The following GXYLT2 variants were observed in gnomAD, a reference collection of about 807,000 sequenced individuals.
GXYLT2 encodes the protein glycosyltransferase 8 domain containing 4.
Under a neutral mutation model 45.8 loss-of-function variants are expected in GXYLT2, and 53 were observed. The ratio of observed to expected loss-of-function variants is 1.16; its 90% confidence interval spans 0.93 to 1.46. The LOEUF (loss-of-function observed/expected upper bound fraction) is 1.46. Ranked by LOEUF, GXYLT2 falls within the 40% of genes most tolerant of loss-of-function variation. The pLI is 0.00. For missense variants in GXYLT2, 551 were observed against 544.4 expected (o/e 1.01, Z -0.12); for synonymous variants, 219 against 214.2 (o/e 1.02, Z -0.19).
chr3:72,889,859 C>CACCATA (rs1709144333), intron 1 of GXYLT2, among the ~76,000 whole-genome samples: 1 of 126,034 alleles, frequency 7.9e-6, no homozygotes, highest in South Asian at 2.2e-4. Flanking sequence ...ACATAATCCA[C>CACCATA]ACCATAACCT....
At position 72,967,735 on chromosome 3, in the gene GXYLT2, C is replaced by G; in HGVS notation, c.1149+16C>G. ...AATACGGGATGTAAGTGTGCCCTTG[C>G]TGCTGTTAGCAGATGTGCTTATCAG... is the stretch of plus-strand genomic sequence containing the variant. On this transcript the variant is annotated intron_variant, in intron 6 of 6. Coordinates refer to ENST00000389617, the MANE Select transcript of GXYLT2 (RefSeq NM_001080393.2). 6.2e-7 allele frequency: 1 copy of G among 1,610,640 alleles called. No homozygotes were observed. The highest frequency in any genetic ancestry group is 8.5e-7 in the Non-Finnish European group (1 of 1,177,588).
chr3:72,892,364 T>A (rs1709200035), intron 1 of GXYLT2, among the ~76,000 whole-genome samples: 1 of 152,246 alleles, frequency 6.6e-6, no homozygotes, highest in African/African-American at 2.4e-5. Context: ...TGTGTTGGCC[T>A]GGATATTGTT....
chr3:72,961,021 A>G (rs894121027), intron 5 of GXYLT2, among the ~76,000 whole-genome samples: 2 of 152,180 alleles, frequency 1.3e-5, no homozygotes, highest in African/African-American at 4.8e-5. Context: ...GTCATTAGCT[A>G]GAAAGTGTTT....
chr3:72,888,593 C>A (rs1182616959), intron 1 of GXYLT2, 85 bp downstream of exon 1: 8 of 935,160 alleles, frequency 8.6e-6, no homozygotes, highest in Non-Finnish European at 9.1e-6. Context: ...AGGCTTTGCG[C>A]TGGAGAGACA....
At chr3:72,928,976 A>T in intron 3 of GXYLT2, 1 of 953,004 alleles carries the variant, frequency 1.0e-6, no homozygotes, top group Non-Finnish European at 1.6e-6. Flanking sequence ...CGCCCTCGGT[A>T]CCGCCCCAAG....
rs557874228 is a variant in GXYLT2 at position 72,961,949 on chromosome 3, T to C, written c.976+4597T>C. On this transcript the variant is annotated intron_variant, in intron 5 of 6. Coordinates refer to ENST00000389617, the MANE Select transcript of GXYLT2 (RefSeq NM_001080393.2). Reference sequence around the variant, plus strand: ...CTGAGGGAAGAGAGAAGAGCTGAAATGCCCATGGAGTACACGTAGATTGTG... The same window carrying C: ...CTGAGGGAAGAGAGAAGAGCTGAAACGCCCATGGAGTACACGTAGATTGTG... 2.0e-4 allele frequency among the ~76,000 whole-genome samples: 30 copies of C among 152,238 alleles called. 1 individual carries two copies. Among genetic ancestry groups the C allele is most frequent in the African/African-American group, 7.2e-4 (30 of 41,544 alleles).
chr3:72,916,729 G>A (rs955071899), intron 2 of GXYLT2, among the ~76,000 whole-genome samples: 1 of 150,458 alleles, frequency 6.6e-6, no homozygotes, highest in African/African-American at 2.4e-5. Context: ...TAGTAGAGAC[G>A]GGGGTTTCAC....
chr3:72,894,928 C>A (rs889349968), intron 1 of GXYLT2, among the ~76,000 whole-genome samples: 1 of 152,246 alleles, frequency 6.6e-6, no homozygotes, highest in Non-Finnish European at 1.5e-5. Context: ...CCCATTGCCA[C>A]TGGACTCTCT....
At chr3:72,907,987 T>G (rs1709542193) in intron 1 of GXYLT2, 1 of 167,248 alleles carries the variant, frequency 6.0e-6, no homozygotes, top group African/African-American at 2.4e-5. Flanking sequence ...CAAGTTGCAT[T>G]CAAATCTAAT....
rs139848641 is a variant in GXYLT2, at chr3:72,930,705, C to T, written c.600+8370C>T. On this transcript the variant is annotated intron_variant, in intron 3 of 6. Transcript: ENST00000389617. Reference sequence around the variant, plus strand: ...ACCTCCCAGGCTCAGGTGATCCTCCCACCTCAGCCTCTCAAGTAGCTGGGA... The same window carrying T: ...ACCTCCCAGGCTCAGGTGATCCTCCTACCTCAGCCTCTCAAGTAGCTGGGA... Among the ~76,000 whole-genome samples, 1,493 of 150,842 alleles carry T rather than the reference C, an allele frequency of 9.9e-3. 18 individuals carry two copies. The highest frequency in any genetic ancestry group is 0.034 in the African/African-American group (1,397 of 41,082).
At chr3:72,974,955 C>T in intron 6 of GXYLT2, 22 bp from the exon 7 acceptor site, 1 of 1,500,778 alleles carries the variant, frequency 6.7e-7, no homozygotes, top group African/African-American at 1.4e-5. Context: ...ACTAAATAAA[C>T]TTTTTTTTTG....
At chr3:72,959,399 T>G (rs13099451) in intron 5 of GXYLT2, among the ~76,000 whole-genome samples, 11,059 of 151,840 alleles carry the variant, frequency 0.073, 434 homozygotes, top group Admixed American at 0.099. Flanking sequence ...ATTACAGGCA[T>G]CAGCCACTGT....
intron 3 of GXYLT2, among the ~76,000 whole-genome samples, chr3:72,933,800 G>A (rs958014958): frequency 5.3e-5 from 8 of 152,208 alleles, no homozygotes; most frequent in Non-Finnish European, 1.0e-4. Context: ...GCCTGGGGGG[G>A]CCGAGCTTGG....
At position 72,975,194 on chromosome 3, in the gene GXYLT2, T is replaced by A; in HGVS notation, c.*35T>A. 1 of 1,548,610 alleles carries A rather than the reference T, an allele frequency of 6.5e-7. No individual in the cohort carries two copies. Among genetic ancestry groups the A allele is most frequent in the Non-Finnish European group, 8.9e-7 (1 of 1,127,944 alleles). On this transcript the variant is annotated 3_prime_UTR_variant, in exon 7 of 7. Transcript: ENST00000389617. ...CTTGTTGCAAGTCAATTAGGTGTCT[T>A]GTGACCAAGGAAATACTAATCTCTA...
intron 3 of GXYLT2, among the ~76,000 whole-genome samples, chr3:72,937,370 G>A (rs1439449762): frequency 6.6e-6 from 1 of 152,184 alleles, no homozygotes; most frequent in Non-Finnish European, 1.5e-5. Context: ...TTTAAGAAAT[G>A]CTGCTTTAAA....
chr3:72,903,765 A>C (rs573130174), intron 1 of GXYLT2, among the ~76,000 whole-genome samples: 82 of 152,302 alleles, frequency 5.4e-4, no homozygotes, highest in Non-Finnish European at 1.1e-3. Context: ...TCAAAGGATA[A>C]ATCAGGTGAA....
chr3:72,955,253 C>G lies in GXYLT2; in HGVS notation c.756C>G (p.Tyr252Ter), dbSNP rs749073216. 2 of 1,614,026 alleles carry G rather than the reference C, an allele frequency of 1.2e-6. No homozygotes were observed. The highest frequency in any genetic ancestry group is 1.7e-6 in the Non-Finnish European group (2 of 1,179,902). ...ACGAAATCCCCAAGATTGGCTGGTA[C>G]AGCCGCTTTGCTAGGCATCCTTTCT... Reference protein sequence around the residue: ...PEHEIPKIGWYSRFARHPFYG... With the variant: ...PEHEIPKIGW The change falls in exon 4 of 7, where the codon TAC becomes TAG. Residue 252 changes from tyrosine to a stop codon, truncating the protein, a stop_gained. Transcript: ENST00000389617. LOFTEE classifies it high-confidence loss of function.
At chr3:72,935,098 C>A (rs577584353) in intron 3 of GXYLT2, among the ~76,000 whole-genome samples, 2 of 152,046 alleles carry the variant, frequency 1.3e-5, no homozygotes, top group Non-Finnish European at 2.9e-5. Context: ...TATCAACCTA[C>A]AGAAAATCAT....
chr3:72,922,310 G>A lies in GXYLT2; in HGVS notation c.575G>A (p.Cys192Tyr). Residue 192 changes from cysteine to tyrosine, a missense_variant, in exon 3 of 7, where the codon TGT (cysteine) becomes TAT (tyrosine). Coordinates refer to ENST00000389617, the MANE Select transcript of GXYLT2 (RefSeq NM_001080393.2). ...PQEWKKLFKP[C>Y]AAQRLFLPVI... ...GAGTGGAAGAAATTGTTCAAACCCT[G>A]TGCTGCCCAGAGACTCTTTCTTCCG... 6.2e-7 allele frequency: 1 copy of A among 1,613,636 alleles called. No homozygotes were observed. Among genetic ancestry groups the A allele is most frequent in the Non-Finnish European group, 8.5e-7 (1 of 1,179,724 alleles).
Sources: allele counts gnomAD v4.1 joint callset (sites outside exome capture counted in the v4.1 genomes callset), GRCh38; gene constraint gnomAD v4.1.1; transcripts MANE v1.5; gene names NCBI Gene and HGNC (gene_info 2026-07-23, HGNC 2026-07-21).